Variants in RAB1A observed in about 807,000 individuals in gnomAD.
RAB1A encodes RAB1A, member RAS oncogene family.
RAB1A carries 2 observed loss-of-function variants against 26.0 expected under a neutral mutation model. The ratio of observed to expected loss-of-function variants is 0.08; its 90% confidence interval spans 0.03 to 0.24. The LOEUF is 0.24. Ranked by LOEUF, RAB1A falls within the 10% of genes least tolerant of loss-of-function variation. The pLI is 1.00. For synonymous variants in RAB1A, 84 were observed against 84.9 expected (o/e 0.99, Z 0.06); for missense variants, 100 against 247.0 (o/e 0.40, Z 3.99).
intron 1 of RAB1A, chr2:65,106,352 A>G: frequency 3.1e-6 from 1 of 323,848 alleles, no homozygotes; most frequent in Non-Finnish European, 6.1e-6. Flanking sequence ...AAACCACGTC[A>G]CAATTTAGAT....
intron 1 of RAB1A, among the ~76,000 whole-genome samples, chr2:65,127,322 A>G (rs1670122252): frequency 1.3e-5 from 2 of 152,122 alleles, no homozygotes; most frequent in Admixed American, 1.3e-4. Flanking sequence ...TCTCTTCTAT[A>G]AAGTCTTCCA....
chr2:65,126,010 T>C (rs1368220679), intron 1 of RAB1A, among the ~76,000 whole-genome samples: 1 of 151,484 alleles, frequency 6.6e-6, no homozygotes, highest in African/African-American at 2.4e-5. Flanking sequence ...TAGCTGGGAT[T>C]ACAGGCGCCA....
intron 2 of RAB1A, among the ~76,000 whole-genome samples, chr2:65,098,770 T>C (rs1182076412): frequency 1.3e-5 from 2 of 152,042 alleles, no homozygotes; most frequent in Non-Finnish European, 2.9e-5. Context: ...GCCCTCTGTG[T>C]CTGTCTTCCT....
At position 65,104,767 on chromosome 2, in the gene RAB1A, C is replaced by T. The variant is rs745704067; in HGVS notation, c.63G>A (p.Gly21=). 3 of 1,603,452 alleles carry T rather than the reference C, an allele frequency of 1.9e-6. No individual in the cohort carries two copies. The highest frequency in any genetic ancestry group is 4.5e-5 in the East Asian group (2 of 44,658). Residue 21 remains glycine (G), a synonymous_variant, in exon 2 of 6, where the codon GGG becomes GGA. Coordinates refer to ENST00000409784, the MANE Select transcript of RAB1A (RefSeq NM_004161.5). ...LFKLLLIGDS[G]VGKSCLLLRF... ...TAAGAAGAAGGCAAGACTTTCCAAC[C>T]CCTGAGTCGCCAATCAGAAGTAACT...
intron 3 of RAB1A, among the ~76,000 whole-genome samples, chr2:65,094,494 G>A (rs1270330390): frequency 1.3e-5 from 2 of 151,104 alleles, no homozygotes; most frequent in African/African-American, 4.9e-5. Context: ...TGAGGCAGAA[G>A]AATCGCTTGA....
intron 1 of RAB1A, among the ~76,000 whole-genome samples, chr2:65,126,232 T>C (rs998545021): frequency 6.6e-6 from 1 of 151,676 alleles, no homozygotes; most frequent in African/African-American, 2.4e-5. Context: ...GAAAATCGCT[T>C]GAACCCAGGA....
At chr2:65,097,900 T>C (rs755613085) in intron 3 of RAB1A, 71 bp downstream of exon 3, 1 of 817,962 alleles carries the variant, frequency 1.2e-6, no homozygotes, top group East Asian at 2.8e-5. Flanking sequence ...ATAGTAAATA[T>C]ATACAAAATA....
At chr2:65,126,825 T>C (rs1475325561) in intron 1 of RAB1A, among the ~76,000 whole-genome samples, 1 of 152,226 alleles carries the variant, frequency 6.6e-6, no homozygotes, top group Non-Finnish European at 1.5e-5. Context: ...GATAAAACAC[T>C]AAAGAACTTT....
At chr2:65,097,441 G>A (rs1009739344) in intron 3 of RAB1A, among the ~76,000 whole-genome samples, 19 of 152,028 alleles carry the variant, frequency 1.2e-4, no homozygotes, top group Non-Finnish European at 2.6e-4. Flanking sequence ...TTCAGCATTC[G>A]TTTTTTTGAG....
intron 1 of RAB1A, among the ~76,000 whole-genome samples, chr2:65,115,094 C>T (rs1469022103): frequency 6.6e-6 from 1 of 152,186 alleles, no homozygotes; most frequent in Non-Finnish European, 1.5e-5. Context: ...CAGAACCATG[C>T]TCTTGAAGTT....
Position 65,093,495 on chromosome 2 carries a change from C to G in RAB1A, c.193-2417G>C, listed in dbSNP as rs191204801. 2.5e-3 allele frequency among the ~76,000 whole-genome samples: 376 copies of G among 151,844 alleles called. 4 individuals are homozygous for G. The highest frequency in any genetic ancestry group is 8.6e-3 in the African/African-American group (357 of 41,368). On this transcript the variant is annotated intron_variant, in intron 3 of 5. Coordinates refer to ENST00000409784, the MANE Select transcript of RAB1A (RefSeq NM_004161.5). ...AGATGTCACACCTGAACAGGAAAAG[C>G]TGAAAGGAAAAGATAATTAAAATAT...
chr2:65,101,649 A>C (rs1247520667), intron 2 of RAB1A, among the ~76,000 whole-genome samples: 1 of 151,910 alleles, frequency 6.6e-6, no homozygotes, highest in African/African-American at 2.4e-5. Context: ...AATAAAAATT[A>C]AATGACACCT....
At chr2:65,095,895 T>C (rs1271802662) in intron 3 of RAB1A, among the ~76,000 whole-genome samples, 2 of 152,092 alleles carry the variant, frequency 1.3e-5, no homozygotes, top group Non-Finnish European at 2.9e-5. Context: ...GGCTCATGCC[T>C]GTAATCCCAG....
Position 65,088,668 on chromosome 2 carries a change from A to T in RAB1A, c.443T>A (p.Ile148Asn). Residue 148 changes from isoleucine (I) to asparagine (N), a missense_variant, in exon 6 of 6, where the codon ATT becomes AAT. Coordinates refer to ENST00000409784, the MANE Select transcript of RAB1A (RefSeq NM_004161.5). ...TAKEFADSLGIPFLETSAKNA... is the reference protein window; with the variant it reads ...TAKEFADSLGNPFLETSAKNA... ...CTTAGCACTGGTTTCCAAAAACGGAATTCCAAGGGAATCAGCAAATTCCTA... is the reference window on the plus strand; with the variant it reads ...CTTAGCACTGGTTTCCAAAAACGGATTTCCAAGGGAATCAGCAAATTCCTA... The T allele has an allele frequency of 6.2e-7, 1 of 1,608,908 alleles. No individual in the cohort carries two copies. Among genetic ancestry groups the T allele is most frequent in the Non-Finnish European group, 8.5e-7 (1 of 1,177,556 alleles).
At chr2:65,098,756 T>C (rs534794999) in intron 2 of RAB1A, among the ~76,000 whole-genome samples, 6 of 151,952 alleles carry the variant, frequency 3.9e-5, no homozygotes, top group South Asian at 4.2e-4. Context: ...TCATAAAATA[T>C]GTGGCCCTCT....
chr2:65,111,969 GC>G (rs1480722086), intron 1 of RAB1A, among the ~76,000 whole-genome samples: 3 of 151,898 alleles, frequency 2.0e-5, no homozygotes, highest in Non-Finnish European at 2.9e-5. Flanking sequence ...TGTAGTCTCA[GC>G]TACTCAGGAA....
chr2:65,129,813 T>A, intron 1 of RAB1A, 80 bp downstream of exon 1: 1 of 1,550,546 alleles, frequency 6.4e-7, no homozygotes, highest in Non-Finnish European at 8.7e-7. Context: ...CCCCGACTTC[T>A]GCCCCAACCC....
chr2:65,098,726 G>A (rs1308982678), intron 2 of RAB1A, among the ~76,000 whole-genome samples: 1 of 151,588 alleles, frequency 6.6e-6, no homozygotes, highest in South Asian at 2.1e-4. Context: ...GCCAATTTTG[G>A]ACATTTCGTA....
At chr2:65,123,032 T>C (rs1670006234) in intron 1 of RAB1A, among the ~76,000 whole-genome samples, 1 of 144,232 alleles carries the variant, frequency 6.9e-6, no homozygotes, top group Non-Finnish European at 1.5e-5. Flanking sequence ...AAAACTGAAC[T>C]ATTCAAACTA....
Sources: gnomAD v4.1 joint callset for allele counts (sites outside exome capture counted in the v4.1 genomes callset) on GRCh38, gnomAD v4.1.1 for gene constraint, MANE v1.5 for transcripts, NCBI Gene and HGNC (gene_info 2026-07-23, HGNC 2026-07-21) for gene names.